The following OR2L13 variants were observed in gnomAD, a reference collection of about 807,000 sequenced individuals.
OR2L13 encodes the protein olfactory receptor family 2 subfamily L member 13.
A neutral mutation model predicts 15.3 loss-of-function variants in OR2L13; 14 were observed. That is an observed-to-expected ratio of 0.91 (90% CI 0.60 to 1.43). The LOEUF is 1.43. OR2L13 is among the 40% of genes most tolerant of loss of function. The probability of loss-of-function intolerance (pLI) is 0.00; values close to 1 mark genes in which losing one functional copy is unlikely to be tolerated. For synonymous variants in OR2L13, 152 were observed against 142.9 expected (o/e 1.06, Z -0.45); for missense variants, 367 against 387.9 (o/e 0.95, Z 0.45).
chr1:247,993,730 C>T, the OR2L13 span, among the ~76,000 whole-genome samples: 2 of 132,748 alleles, frequency 1.5e-5, no homozygotes, highest in Admixed American at 1.7e-4. Context: ...GCTATTTGGA[C>T]AGACACTGAA....
At chr1:247,981,879 G>A in the OR2L13 span, among the ~76,000 whole-genome samples, 2 of 150,956 alleles carry the variant, frequency 1.3e-5, no homozygotes, top group Non-Finnish European at 1.5e-5. Flanking sequence ...GCAGTGGTGT[G>A]ATCTCAGCTC....
the OR2L13 span, among the ~76,000 whole-genome samples, chr1:247,991,870 C>T: frequency 6.7e-6 from 1 of 149,574 alleles, no homozygotes; most frequent in Non-Finnish European, 1.5e-5. Context: ...AAGGCCATTG[C>T]TTTCCAGAAG....
chr1:248,057,179 A>G, the OR2L13 span, among the ~76,000 whole-genome samples: 1 of 152,118 alleles, frequency 6.6e-6, no homozygotes. Context: ...GCTGAGTTCA[A>G]GTCCTGAATA....
chr1:247,937,639 T>A, the OR2L13 span: 11 of 155,728 alleles, frequency 7.1e-5, no homozygotes, highest in African/African-American at 2.4e-4. Context: ...TTCAGGGGAC[T>A]CCTCCCCTCC....
At chr1:247,954,110 C>T in the OR2L13 span, among the ~76,000 whole-genome samples, 1 of 152,072 alleles carries the variant, frequency 6.6e-6, no homozygotes, top group African/African-American at 2.4e-5. Flanking sequence ...CAATTTGTTT[C>T]CTATACCTGG....
the OR2L13 span, among the ~76,000 whole-genome samples, chr1:247,981,697 A>AT: frequency 6.6e-6 from 1 of 151,668 alleles, no homozygotes; most frequent in South Asian, 2.1e-4. Context: ...AGTGATAGTG[A>AT]TTATTTTGAT....
chr1:247,949,759 C>A, the OR2L13 span: 49,099 of 1,612,374 alleles, frequency 0.03, 632 homozygotes, highest in African/African-American at 0.06. Flanking sequence ...GGGGCCCTGA[C>A]ACGAGTGAGT....
chr1:248,044,585 T>C, the OR2L13 span, among the ~76,000 whole-genome samples: 20 of 85,058 alleles, frequency 2.4e-4, 1 homozygote, highest in South Asian at 5.2e-4. Flanking sequence ...GGGTGGATCA[T>C]GAGGTCAGGA....
the OR2L13 span, among the ~76,000 whole-genome samples, chr1:247,968,822 T>C: frequency 1.3e-5 from 2 of 152,082 alleles, no homozygotes; most frequent in African/African-American, 4.8e-5. Flanking sequence ...CATGTGTCTT[T>C]ATAGCAGCAT....
the OR2L13 span, among the ~76,000 whole-genome samples, chr1:247,978,732 AG>A: frequency 6.6e-6 from 1 of 152,120 alleles, no homozygotes; most frequent in Non-Finnish European, 1.5e-5. Flanking sequence ...GAGCATTCTC[AG>A]GGAAAGCAGG....
At chr1:248,029,665 A>G in the OR2L13 span, among the ~76,000 whole-genome samples, 1 of 152,180 alleles carries the variant, frequency 6.6e-6, no homozygotes, top group Non-Finnish European at 1.5e-5. Context: ...TTATTAAATT[A>G]ACCTCGTTCT....
the OR2L13 span, chr1:248,038,842 G>T: frequency 1.2e-6 from 2 of 1,614,126 alleles, no homozygotes; most frequent in Non-Finnish European, 1.7e-6. Flanking sequence ...ACAGACACTT[G>T]GGTCTATGAG....
the OR2L13 span, among the ~76,000 whole-genome samples, chr1:248,058,804 A>G: frequency 6.6e-6 from 1 of 152,076 alleles, no homozygotes; most frequent in Non-Finnish European, 1.5e-5. Context: ...CCTTAAGCAC[A>G]TATTGTTCCT....
At chr1:248,074,904 G>C in the OR2L13 span, among the ~76,000 whole-genome samples, 2 of 152,118 alleles carry the variant, frequency 1.3e-5, no homozygotes, top group Non-Finnish European at 2.9e-5. Context: ...TTTAAGTTTA[G>C]GGTATATGTG....
At chr1:247,949,689 A>G in the OR2L13 span, 1 of 1,613,916 alleles carries the variant, frequency 6.2e-7, no homozygotes, top group Non-Finnish European at 8.5e-7. Flanking sequence ...TGTCTTCTAC[A>G]CCATCCTCAC....
At chr1:248,074,639 G>A in the OR2L13 span, among the ~76,000 whole-genome samples, 2 of 152,106 alleles carry the variant, frequency 1.3e-5, no homozygotes, top group African/African-American at 4.8e-5. Flanking sequence ...GGTACAGAAG[G>A]ACACATGCAT....
the OR2L13 span, among the ~76,000 whole-genome samples, chr1:248,071,216 A>G: frequency 6.6e-6 from 1 of 152,176 alleles, no homozygotes; most frequent in African/African-American, 2.4e-5. Flanking sequence ...ACATTGATGC[A>G]AAAATCCTCA....
the OR2L13 span, among the ~76,000 whole-genome samples, chr1:248,077,587 G>A: frequency 3.9e-5 from 6 of 152,258 alleles, no homozygotes; most frequent in African/African-American, 1.4e-4. Flanking sequence ...TATGTGTCCA[G>A]GAATTTATCC....
At chr1:247,955,483 C>T in the OR2L13 span, among the ~76,000 whole-genome samples, 1 of 151,928 alleles carries the variant, frequency 6.6e-6, no homozygotes, top group Non-Finnish European at 1.5e-5. Flanking sequence ...ATGGCTGGGT[C>T]AAATGGTATT....
Sources: allele counts gnomAD v4.1 joint callset (sites outside exome capture counted in the v4.1 genomes callset), GRCh38; gene constraint gnomAD v4.1.1; transcripts MANE v1.5; gene names NCBI Gene and HGNC (gene_info 2026-07-23, HGNC 2026-07-21).